Variants in CFAP44 observed in about 807,000 individuals in gnomAD.
The protein encoded by CFAP44 is cilia- and flagella-associated protein 44.
A neutral mutation model predicts 216.2 loss-of-function variants in CFAP44; 134 were observed. That is an observed-to-expected ratio of 0.62 (90% CI 0.54 to 0.72). The LOEUF is 0.72. CFAP44 is among the 30% of genes least tolerant of loss of function. CFAP44 has a pLI of 0.00. For missense variants in CFAP44, 2,035 were observed against 2,182.1 expected (o/e 0.93, Z 1.34); for synonymous variants, 700 against 727.6 (o/e 0.96, Z 0.61).
At chr3:113,297,553 C>T (rs1949894106) in intron 32 of CFAP44, among the ~76,000 whole-genome samples, 2 of 152,168 alleles carry the variant, frequency 1.3e-5, no homozygotes, top group South Asian at 4.1e-4. Context: ...TATCCTCTAG[C>T]CAGGGATAAC....
At chr3:113,336,998 C>T (rs1038779847) in intron 24 of CFAP44, among the ~76,000 whole-genome samples, 2 of 151,284 alleles carry the variant, frequency 1.3e-5, no homozygotes, top group Non-Finnish European at 3.0e-5. Context: ...AAATAAGATG[C>T]AAACAGATTA....
chr3:113,406,779 G>T, intron 8 of CFAP44, 148 bp downstream of exon 8: 1 of 565,584 alleles, frequency 1.8e-6, no homozygotes, highest in Admixed American at 3.3e-5. Context: ...AATTACAATT[G>T]ATAATTGAAG....
chr3:113,400,940 G>A (rs1401593560), intron 11 of CFAP44, among the ~76,000 whole-genome samples: 1 of 151,968 alleles, frequency 6.6e-6, no homozygotes, highest in Non-Finnish European at 1.5e-5. Flanking sequence ...AAATAGGGTA[G>A]TGATGAGGAT....
At chr3:113,348,181 C>A (rs750745546) in intron 22 of CFAP44, among the ~76,000 whole-genome samples, 1 of 152,116 alleles carries the variant, frequency 6.6e-6, no homozygotes, top group African/African-American at 2.4e-5. Flanking sequence ...GTCCAGGGAC[C>A]ATTGCAGGTT....
At position 113,393,294 on chromosome 3, in the gene CFAP44, C is replaced by A. The variant is rs115141397; in HGVS notation, c.1890+2456G>T. Among the ~76,000 whole-genome samples, 854 of 152,276 alleles carry A rather than the reference C, an allele frequency of 5.6e-3. 5 individuals carry two copies. Among genetic ancestry groups the A allele is most frequent in the African/African-American group, 0.019 (798 of 41,554 alleles). ...TGCCCAAAATGACTTTTAAATTATGCTGAGTGTTTTGGTCTTGTACGTTAC... is the reference window on the plus strand; with the variant it reads ...TGCCCAAAATGACTTTTAAATTATGATGAGTGTTTTGGTCTTGTACGTTAC... On this transcript the variant is annotated intron_variant, in intron 15 of 34. Coordinates refer to ENST00000393845, the MANE Select transcript of CFAP44 (RefSeq NM_001164496.2).
intron 7 of CFAP44, 68 bp downstream of exon 7, chr3:113,409,038 C>G (rs1399979218): frequency 1.7e-5 from 13 of 747,544 alleles, no homozygotes; most frequent in Non-Finnish European, 2.2e-5. Flanking sequence ...AAGTCTCCAG[C>G]TCTTAGATCC....
At chr3:113,370,840 C>A (rs1467557943) in intron 18 of CFAP44, among the ~76,000 whole-genome samples, 5 of 152,064 alleles carry the variant, frequency 3.3e-5, no homozygotes, top group African/African-American at 1.2e-4. Context: ...CCCACTGTCT[C>A]AGCCCCAAAT....
At chr3:113,419,527 T>C (rs1248653266) in intron 5 of CFAP44, among the ~76,000 whole-genome samples, 1 of 152,196 alleles carries the variant, frequency 6.6e-6, no homozygotes, top group African/African-American at 2.4e-5. Context: ...AGATAGATGA[T>C]CAAGAAAGAA....
chr3:113,317,101 A>T (rs1273186417), intron 28 of CFAP44, among the ~76,000 whole-genome samples: 1 of 152,194 alleles, frequency 6.6e-6, no homozygotes, highest in Non-Finnish European at 1.5e-5. Flanking sequence ...GCTCTCCCCA[A>T]ACAGCTACTG....
intron 4 of CFAP44, among the ~76,000 whole-genome samples, chr3:113,424,035 T>C (rs1387643895): frequency 1.3e-5 from 2 of 152,226 alleles, no homozygotes; most frequent in East Asian, 1.9e-4. Context: ...TAGGTTATAG[T>C]TCACCATGTA....
intron 30 of CFAP44, among the ~76,000 whole-genome samples, chr3:113,305,459 T>A (rs1949976465): frequency 6.6e-6 from 1 of 152,180 alleles, no homozygotes; most frequent in South Asian, 2.1e-4. Flanking sequence ...CCCATCAGCA[T>A]GGAATGTCTT....
chr3:113,429,784 T>C (rs920178455), intron 2 of CFAP44, among the ~76,000 whole-genome samples: 1 of 152,168 alleles, frequency 6.6e-6, no homozygotes, highest in African/African-American at 2.4e-5. Flanking sequence ...TCTATTTAAA[T>C]TTCTGTTGGC....
intron 11 of CFAP44, 75 bp from the exon 12 acceptor site, chr3:113,400,719 C>A: frequency 1.5e-6 from 2 of 1,327,692 alleles, no homozygotes; most frequent in South Asian, 1.3e-5. Flanking sequence ...TAAAAAAATG[C>A]AAAGATAAAA....
chr3:113,363,352 C>G, intron 20 of CFAP44, 45 bp from the exon 21 acceptor site: 1 of 1,577,578 alleles, frequency 6.3e-7, no homozygotes, highest in Non-Finnish European at 8.6e-7. Flanking sequence ...GATACAGAAA[C>G]AGCAGAGAAA....
At chr3:113,377,795 G>A (rs150834943) in intron 17 of CFAP44, among the ~76,000 whole-genome samples, 4,384 of 152,148 alleles carry the variant, frequency 0.029, 111 homozygotes, top group East Asian at 0.1. Flanking sequence ...TGGGACTACA[G>A]GCACCTGCTA....
At chr3:113,407,554 C>A (rs1338377234) in intron 7 of CFAP44, among the ~76,000 whole-genome samples, 2 of 152,152 alleles carry the variant, frequency 1.3e-5, no homozygotes, top group African/African-American at 4.8e-5. Context: ...TGACTTTGAG[C>A]ACTTTTCTAG....
chr3:113,349,010 C>T (rs1950415964), intron 22 of CFAP44, among the ~76,000 whole-genome samples: 1 of 152,164 alleles, frequency 6.6e-6, no homozygotes, highest in African/African-American at 2.4e-5. Flanking sequence ...GGACAAATTC[C>T]CTACCAGTCA....
At chr3:113,310,156 C>G (rs1950024626) in intron 28 of CFAP44, among the ~76,000 whole-genome samples, 1 of 152,202 alleles carries the variant, frequency 6.6e-6, no homozygotes, top group Non-Finnish European at 1.5e-5. Context: ...GGCTGGTAAC[C>G]AGCCTCACCC....
intron 5 of CFAP44, among the ~76,000 whole-genome samples, chr3:113,417,875 T>C (rs1380222654): frequency 6.6e-6 from 1 of 152,180 alleles, no homozygotes; most frequent in Non-Finnish European, 1.5e-5. Context: ...CTATCTAGAT[T>C]CCCATTTGTA....
Sources: allele counts gnomAD v4.1 joint callset (sites outside exome capture counted in the v4.1 genomes callset), GRCh38; gene constraint gnomAD v4.1.1; transcripts MANE v1.5; gene names NCBI Gene and HGNC (gene_info 2026-07-23, HGNC 2026-07-21).